Variants in UPB1 observed in about 807,000 individuals in gnomAD.
UPB1 encodes the protein beta-ureidopropionase 1, also known as beta-ureidopropionase.
Under a neutral mutation model 49.1 loss-of-function variants are expected in UPB1, and 40 were observed. The observed-to-expected ratio is 0.81, with a 90% CI of 0.63 to 1.06. The LOEUF (loss-of-function observed/expected upper bound fraction) is 1.06, where lower values mean the gene tolerates loss of function less well. Ranked by LOEUF, UPB1 falls within the 50% of genes least tolerant of loss-of-function variation. The probability of loss-of-function intolerance (pLI) is 0.00; values close to 1 mark genes in which losing one functional copy is unlikely to be tolerated. For synonymous variants in UPB1, 207 were observed against 198.2 expected (o/e 1.04, Z -0.38); for missense variants, 499 against 505.9 (o/e 0.99, Z 0.13).
intron 4 of UPB1, 101 bp from the exon 5 acceptor site, chr22:24,513,223 C>T: frequency 6.4e-7 from 1 of 1,569,548 alleles, no homozygotes; most frequent in Non-Finnish European, 8.7e-7. Flanking sequence ...AGTGGTTGCT[C>T]TGACCCAAGC....
At chr22:24,509,567 G>GC (rs2147018704) in intron 3 of UPB1, among the ~76,000 whole-genome samples, 1 of 152,002 alleles carries the variant, frequency 6.6e-6, no homozygotes, top group East Asian at 1.9e-4. Flanking sequence ...TTCTGAAGAA[G>GC]CCTCCTTGTC....
chr22:24,523,613 T>C lies in UPB1; in HGVS notation c.917-6T>C. On this transcript the variant is annotated splice_region_variant and splice_polypyrimidine_tract_variant and intron_variant, in intron 8 of 9. Coordinates refer to ENST00000326010, the MANE Select transcript of UPB1 (RefSeq NM_016327.3). ...CTCACAGATGTGTTTCTTTGTTCCT[T>C]TAAAGCTCACCAGGACTTTGGCTAC... The C allele has an allele frequency of 6.2e-7, 1 of 1,614,232 alleles. No homozygotes were observed. Among genetic ancestry groups the C allele is most frequent in the Non-Finnish European group, 8.5e-7 (1 of 1,180,036 alleles).
Position 24,520,854 on chromosome 22 carries a change from C to T in UPB1, c.873+386C>T, listed in dbSNP as rs540859417. ...CAGTCTGAGATAACCAAGGTTTCTACACTAAGTCTATCTGACTTCTAGCAG... is the reference window on the plus strand; with the variant it reads ...CAGTCTGAGATAACCAAGGTTTCTATACTAAGTCTATCTGACTTCTAGCAG... On this transcript the variant is annotated intron_variant, in intron 7 of 9. Coordinates refer to ENST00000326010, the MANE Select transcript of UPB1 (RefSeq NM_016327.3). 4.6e-5 allele frequency among the ~76,000 whole-genome samples: 7 copies of T among 152,300 alleles called. No homozygotes were observed. The South Asian group carries it at 8.3e-4, about 18-fold the overall frequency.
chr22:24,517,400 C>T (rs1313073560), intron 6 of UPB1, among the ~76,000 whole-genome samples: 1 of 152,244 alleles, frequency 6.6e-6, no homozygotes, highest in South Asian at 2.1e-4. Context: ...TGGGGCCACC[C>T]CCTAAAGCAG....
At chr22:24,496,400 C>CACACAT (rs1555883948) in intron 1 of UPB1, among the ~76,000 whole-genome samples, 1 of 127,274 alleles carries the variant, frequency 7.9e-6, no homozygotes, top group Non-Finnish European at 1.6e-5. Context: ...CACACACACA[C>CACACAT]ACATACACAC....
chr22:24,504,001 A>G (rs1041459866), intron 3 of UPB1, among the ~76,000 whole-genome samples: 5 of 152,216 alleles, frequency 3.3e-5, no homozygotes, highest in African/African-American at 1.2e-4. Context: ...CAGGTCAGGC[A>G]AGAGCTGCCA....
At chr22:24,517,640 T>A (rs904479548) in intron 6 of UPB1, among the ~76,000 whole-genome samples, 2 of 152,232 alleles carry the variant, frequency 1.3e-5, no homozygotes, top group African/African-American at 2.4e-5. Context: ...CAGTGTAATA[T>A]GCATATAATT....
chr22:24,513,455 C>G lies in UPB1; in HGVS notation c.591C>G (p.Asn197Lys). The change falls in exon 5 of 10, where the codon AAC becomes AAG. Residue 197 changes from asparagine (N) to lysine (K), a missense_variant. Coordinates refer to ENST00000326010, the MANE Select transcript of UPB1 (RefSeq NM_016327.3). Reference protein sequence around the residue: ...SGAVLGKTRKNHIPRVGDFNE... With the variant: ...SGAVLGKTRKKHIPRVGDFNE... Reference sequence around the variant, plus strand: ...CAGTCCTGGGAAAGACCAGGAAAAACCACATCCCCAGAGTGGGTGATTTCA... The same window carrying G: ...CAGTCCTGGGAAAGACCAGGAAAAAGCACATCCCCAGAGTGGGTGATTTCA... 1.2e-6 allele frequency: 2 copies of G among 1,614,126 alleles called. No homozygotes were observed. Among genetic ancestry groups the G allele is most frequent in the Non-Finnish European group, 1.7e-6 (2 of 1,180,032 alleles).
At chr22:24,508,778 G>A (rs1052366455) in intron 3 of UPB1, among the ~76,000 whole-genome samples, 1 of 151,392 alleles carries the variant, frequency 6.6e-6, no homozygotes, top group Non-Finnish European at 1.5e-5. Flanking sequence ...CTACTTGGGA[G>A]GCTGAGGCAG....
chr22:24,500,402 CAGAGG>C (rs2043973153), intron 2 of UPB1, 124 bp downstream of exon 2: 1 of 1,315,898 alleles, frequency 7.6e-7, no homozygotes, highest in Non-Finnish European at 1.1e-6. Context: ...CAAGCAGTAG[CAGAGG>C]CGCTTCTGCC....
chr22:24,496,418 C>CACAT (rs1173689166), intron 1 of UPB1, among the ~76,000 whole-genome samples: 1 of 149,728 alleles, frequency 6.7e-6, no homozygotes, highest in African/African-American at 2.5e-5. Flanking sequence ...CACACACACA[C>CACAT]ACACACACGT....
intron 6 of UPB1, 74 bp from the exon 7 acceptor site, chr22:24,520,313 A>G: frequency 1.3e-6 from 2 of 1,547,104 alleles, no homozygotes; most frequent in South Asian, 1.1e-5. Flanking sequence ...CAGCCAGGCC[A>G]GGCTCAGGGC....
chr22:24,521,845 G>T, intron 7 of UPB1, 141 bp from the exon 8 acceptor site: 2 of 848,324 alleles, frequency 2.4e-6, no homozygotes, highest in South Asian at 1.4e-5. Context: ...GGTGAGTACA[G>T]ACCATTCCAG....
intron 9 of UPB1, among the ~76,000 whole-genome samples, chr22:24,524,842 G>A (rs925366773): frequency 3.3e-5 from 5 of 152,128 alleles, no homozygotes; most frequent in Admixed American, 6.6e-5. Flanking sequence ...TGTTATAACT[G>A]ACTTTGCCCG....
intron 3 of UPB1, among the ~76,000 whole-genome samples, chr22:24,504,891 C>T (rs2044060631): frequency 6.7e-6 from 1 of 148,178 alleles, no homozygotes; most frequent in African/African-American, 2.5e-5. Flanking sequence ...CCACACCTGG[C>T]TAATTTTCTT....
At chr22:24,521,949 A>T in intron 7 of UPB1, 37 bp from the exon 8 acceptor site, 1 of 1,611,832 alleles carries the variant, frequency 6.2e-7, no homozygotes, top group South Asian at 1.1e-5. Context: ...TGGTAGTGCC[A>T]CCTATAGGTT....
rs780314131 is a variant in UPB1 at position 24,495,377 on chromosome 22, G to A, written c.-27G>A. ...GGCAAAGGGCAGGCAGTTCGTGCGC[G>A]GACACAAGCACTGGCGGACCGTGGC... On this transcript the variant is annotated 5_prime_UTR_variant, in exon 1 of 10. Transcript: ENST00000326010. 1 of 1,610,928 alleles carries A rather than the reference G, an allele frequency of 6.2e-7. No individual in the cohort carries two copies. Among genetic ancestry groups the A allele is most frequent in the African/African-American group, 1.3e-5 (1 of 74,938 alleles).
At position 24,500,097 on chromosome 22, in the gene UPB1, G is replaced by A; in HGVS notation, c.105-10G>A. On this transcript the variant is annotated splice_polypyrimidine_tract_variant and intron_variant, in intron 1 of 9. Transcript: ENST00000326010. ...AAAATCCCCTTCCCTCTTTTTTCCTGCCCATCTAGGAAGCTTGATCTGCCC... is the reference window on the plus strand; with the variant it reads ...AAAATCCCCTTCCCTCTTTTTTCCTACCCATCTAGGAAGCTTGATCTGCCC... The A allele has an allele frequency of 6.2e-7, 1 of 1,613,940 alleles. No homozygotes were observed. The highest frequency in any genetic ancestry group is 8.5e-7 in the Non-Finnish European group (1 of 1,180,008).
At chr22:24,522,259 TC>T (rs1182540575) in intron 8 of UPB1, among the ~76,000 whole-genome samples, 1 of 152,126 alleles carries the variant, frequency 6.6e-6, no homozygotes, top group Non-Finnish European at 1.5e-5. Context: ...CTCCATCCAT[TC>T]CCCGGGACTG....
Sources: gnomAD v4.1 joint callset for allele counts (sites outside exome capture counted in the v4.1 genomes callset) on GRCh38, gnomAD v4.1.1 for gene constraint, MANE v1.5 for transcripts, NCBI Gene and HGNC (gene_info 2026-07-23, HGNC 2026-07-21) for gene names.